JARID2: variants seen among roughly 807,000 people sequenced by gnomAD.
The protein encoded by JARID2 is protein Jumonji.
A neutral mutation model predicts 125.6 loss-of-function variants in JARID2; 21 were observed. That is an observed-to-expected ratio of 0.17 (90% CI 0.12 to 0.24). The LOEUF is 0.24. Among genes scored for constraint, JARID2 ranks in the 10% least tolerant of loss-of-function variants. The probability of loss-of-function intolerance (pLI) is 1.00; values close to 1 mark genes in which losing one functional copy is unlikely to be tolerated. For synonymous variants in JARID2, 736 were observed against 661.6 expected (o/e 1.11, Z -1.73); for missense variants, 1,303 against 1,639.6 (o/e 0.79, Z 3.55).
In JARID2 at chr6:15,496,406, G is replaced by C. The variant is rs774758348; in HGVS notation, c.1181G>C (p.Gly394Ala). ...AKTRKQVLSL[G>A]GASKSTGPAV... ...ACCCGCAAACAGGTGCTATCCCTCG[G>C]GGGGGCGTCCAAGTCCACTGGGCCC... The change falls in exon 7 of 18, where the codon GGG becomes GCG. Residue 394 changes from glycine to alanine, a missense_variant. Physicochemically the swap from Gly to Ala is moderately conservative, Grantham distance 60. Coordinates refer to ENST00000341776, the MANE Select transcript of JARID2 (RefSeq NM_004973.4). 2.5e-6 allele frequency: 4 copies of C among 1,613,832 alleles called. No individual in the cohort carries two copies. The highest frequency in any genetic ancestry group is 1.7e-5 in the Admixed American group (1 of 60,022).
chr6:15,513,798 C>T (rs1581670799), intron 16 of JARID2, among the ~76,000 whole-genome samples: 1 of 152,270 alleles, frequency 6.6e-6, no homozygotes, highest in South Asian at 2.1e-4. Flanking sequence ...TACTGGGCAG[C>T]GTCTGCCATT....
intron 4 of JARID2, among the ~76,000 whole-genome samples, chr6:15,468,182 T>A (rs1003651329): frequency 6.6e-6 from 1 of 151,600 alleles, no homozygotes; most frequent in Non-Finnish European, 1.5e-5. Flanking sequence ...TTTTTTTTTT[T>A]TTTTAAGTCT....
At chr6:15,434,214 C>T (rs1482058923) in intron 3 of JARID2, among the ~76,000 whole-genome samples, 2 of 151,830 alleles carry the variant, frequency 1.3e-5, no homozygotes, top group African/African-American at 4.8e-5. Flanking sequence ...TTAAATAATA[C>T]TGTAGCTGTC....
chr6:15,440,402 T>C (rs1767396277), intron 3 of JARID2, among the ~76,000 whole-genome samples: 1 of 152,210 alleles, frequency 6.6e-6, no homozygotes, highest in Non-Finnish European at 1.5e-5. Flanking sequence ...AGGTTTGGGC[T>C]GACCCCTTTG....
chr6:15,382,171 G>A (rs1309428955), intron 2 of JARID2, among the ~76,000 whole-genome samples: 1 of 152,218 alleles, frequency 6.6e-6, no homozygotes, highest in Non-Finnish European at 1.5e-5. Flanking sequence ...GTTGAAGCAG[G>A]AGAATTGCTG....
At chr6:15,416,299 AGGCTGCAATCTC>A (rs1438122082) in intron 3 of JARID2, among the ~76,000 whole-genome samples, 1 of 152,180 alleles carries the variant, frequency 6.6e-6, no homozygotes, top group Non-Finnish European at 1.5e-5. Context: ...GGCCGGGCAG[AGGCTGCAATCTC>A]GGCACTTTGG....
intron 3 of JARID2, among the ~76,000 whole-genome samples, chr6:15,440,977 T>A (rs1767421815): frequency 6.6e-6 from 1 of 152,220 alleles, no homozygotes; most frequent in Non-Finnish European, 1.5e-5. Context: ...TGCCCCATAC[T>A]TTGAAAATCA....
intron 1 of JARID2, among the ~76,000 whole-genome samples, chr6:15,366,525 G>A (rs1160352458): frequency 7.3e-6 from 1 of 137,360 alleles, no homozygotes; most frequent in Admixed American, 7.2e-5. Flanking sequence ...GGGCGGGGGG[G>A]GTGGGGGGTG....
chr6:15,341,023 A>C (rs993861583), intron 1 of JARID2, among the ~76,000 whole-genome samples: 1 of 152,206 alleles, frequency 6.6e-6, no homozygotes, highest in African/African-American at 2.4e-5. Flanking sequence ...TTTAAAAAGA[A>C]GTGAAACAAA....
chr6:15,493,213 G>A (rs552291149), intron 6 of JARID2, among the ~76,000 whole-genome samples: 10 of 152,020 alleles, frequency 6.6e-5, no homozygotes, highest in Non-Finnish European at 1.5e-4. Flanking sequence ...GTTAGGGAAG[G>A]GTAGGGTCCA....
intron 1 of JARID2, among the ~76,000 whole-genome samples, chr6:15,281,699 G>A (rs1394090989): frequency 6.6e-6 from 1 of 152,196 alleles, no homozygotes; most frequent in Non-Finnish European, 1.5e-5. Flanking sequence ...TCTATTTCAT[G>A]CTGCAAGTAG....
At chr6:15,519,528 T>C (rs976643511) in intron 17 of JARID2, among the ~76,000 whole-genome samples, 2 of 152,208 alleles carry the variant, frequency 1.3e-5, no homozygotes, top group East Asian at 1.9e-4. Context: ...CTCCCCATGT[T>C]GTTTTTAAAA....
In JARID2 at chr6:15,502,141, T is replaced by A. The variant is rs896124912; in HGVS notation, c.2448+732T>A. On this transcript the variant is annotated intron_variant, in intron 8 of 17. Transcript: ENST00000341776. Reference sequence around the variant, plus strand: ...AACTGAAACATGCAGCGTTTCCCTGTCTCCGCCAGGTCTCCCGGCAGCACA... The same window carrying A: ...AACTGAAACATGCAGCGTTTCCCTGACTCCGCCAGGTCTCCCGGCAGCACA... Among the ~76,000 whole-genome samples the A allele has an allele frequency of 2.6e-5, 4 of 152,214 alleles. No homozygotes were observed. The East Asian group carries it at 7.7e-4, about 29-fold the overall frequency.
intron 14 of JARID2, 135 bp from the exon 15 acceptor site, chr6:15,512,780 T>C (rs1281817308): frequency 6.4e-6 from 6 of 943,438 alleles, no homozygotes; most frequent in Non-Finnish European, 9.6e-6. Flanking sequence ...AGGCAAAGTT[T>C]TGAAGAGTTT....
chr6:15,397,145 TTTA>T (rs1211289450), intron 2 of JARID2, among the ~76,000 whole-genome samples: 2 of 152,210 alleles, frequency 1.3e-5, no homozygotes, highest in Non-Finnish European at 2.9e-5. Context: ...ACAGGTAACA[TTTA>T]TTATTACTAT....
chr6:15,488,245 C>T (rs113165647), intron 6 of JARID2, among the ~76,000 whole-genome samples: 3 of 152,192 alleles, frequency 2.0e-5, no homozygotes, highest in African/African-American at 7.2e-5. Flanking sequence ...TTATTGCTGT[C>T]CAGATGTTCC....
In JARID2 at chr6:15,496,883, C is replaced by T; in HGVS notation, c.1658C>T (p.Ala553Val). 1 of 1,601,358 alleles carries T rather than the reference C, an allele frequency of 6.2e-7. No homozygotes were observed. Among genetic ancestry groups the T allele is most frequent in the Non-Finnish European group, 8.5e-7 (1 of 1,171,744 alleles). The change falls in exon 7 of 18, where the codon GCC (alanine) becomes GTC (valine). Residue 553 changes from alanine to valine, a missense_variant. Transcript: ENST00000341776. Reference protein sequence around the residue: ...EKGGGKAGWAAMDEIPVLRPS... With the variant: ...EKGGGKAGWAVMDEIPVLRPS... Reference sequence around the variant, plus strand: ...GGCGGCGGCAAGGCCGGGTGGGCGGCCATGGACGAGATCCCCGTCCTCAGG... The same window carrying T: ...GGCGGCGGCAAGGCCGGGTGGGCGGTCATGGACGAGATCCCCGTCCTCAGG...
chr6:15,260,056 G>C (rs1321170360), intron 1 of JARID2, among the ~76,000 whole-genome samples: 1 of 152,168 alleles, frequency 6.6e-6, no homozygotes, highest in East Asian at 1.9e-4. Flanking sequence ...TATTGGTATT[G>C]ACACTCTGAC....
intron 1 of JARID2, among the ~76,000 whole-genome samples, chr6:15,310,847 C>T (rs1192322810): frequency 2.6e-5 from 4 of 152,136 alleles, no homozygotes; most frequent in African/African-American, 4.8e-5. Context: ...TGCCAGAAAC[C>T]GAGCTGACTT....
Sources: gnomAD v4.1 joint callset for allele counts (sites outside exome capture counted in the v4.1 genomes callset) on GRCh38, gnomAD v4.1.1 for gene constraint, MANE v1.5 for transcripts, NCBI Gene and HGNC (gene_info 2026-07-23, HGNC 2026-07-21) for gene names.